ZCCHC24: variants seen among roughly 807,000 people sequenced by gnomAD.
ZCCHC24 encodes the protein zinc finger CCHC domain-containing protein 24.
In ZCCHC24, 10 loss-of-function variants were observed where a neutral mutation model predicts 26.2. That is an observed-to-expected ratio of 0.38 (90% confidence interval 0.24 to 0.65). The LOEUF (loss-of-function observed/expected upper bound fraction) is 0.65, where lower values mean the gene tolerates loss of function less well. Ranked by LOEUF, ZCCHC24 falls within the 30% of genes least tolerant of loss-of-function variation. The pLI is 0.54. For synonymous variants in ZCCHC24, 144 were observed against 147.1 expected, an observed-to-expected ratio of 0.98 and a Z score of 0.15; for missense variants, 243 against 329.1, an observed-to-expected ratio of 0.74 and a Z score of 2.03.
At chr10:79,442,706 C>T (rs1589682773) in intron 1 of ZCCHC24, among the ~76,000 whole-genome samples, 1 of 152,216 alleles carries the variant, frequency 6.6e-6, no homozygotes, top group African/African-American at 2.4e-5. Flanking sequence ...ACACGACTTG[C>T]TTCCTCTCCG....
intron 2 of ZCCHC24, among the ~76,000 whole-genome samples, chr10:79,408,750 C>T (rs1856753652): frequency 6.6e-6 from 1 of 152,128 alleles, no homozygotes; most frequent in Admixed American, 6.5e-5. Context: ...TTCCCATTCC[C>T]AGTCTCTGAC....
intron 2 of ZCCHC24, among the ~76,000 whole-genome samples, chr10:79,395,089 T>G (rs1170042768): frequency 6.6e-6 from 1 of 152,256 alleles, no homozygotes; most frequent in Non-Finnish European, 1.5e-5. Flanking sequence ...TATTTTATTT[T>G]TTCGAGACAG....
chr10:79,423,895 G>A (rs1856991142), intron 2 of ZCCHC24, among the ~76,000 whole-genome samples: 1 of 151,266 alleles, frequency 6.6e-6, no homozygotes, highest in African/African-American at 2.4e-5. Context: ...GCAGGCACCT[G>A]TAATCCCAGC....
Position 79,445,624 on chromosome 10 carries a change from T to A in ZCCHC24, c.-184A>T. The stretch of plus-strand genomic sequence containing the variant: ...GCCGCTGCCGCCGCCTCCCCCCGAC[T>A]GCGGCCCCGGCGCGCGCAGGCGGTG... On this transcript the variant is annotated 5_prime_UTR_variant, in exon 1 of 4. Transcript: ENST00000372336. The A allele has an allele frequency of 2.9e-6, 1 of 347,646 alleles. No individual in the cohort carries two copies. The highest frequency in any genetic ancestry group is 4.1e-6 in the Non-Finnish European group (1 of 245,862). The allele number at this position is 347,646 out of a possible 1,614,324, so 21.5% of individuals were successfully genotyped here.
At chr10:79,406,002 A>G (rs1199553900) in intron 2 of ZCCHC24, among the ~76,000 whole-genome samples, 1 of 152,226 alleles carries the variant, frequency 6.6e-6, no homozygotes, top group Non-Finnish European at 1.5e-5. Flanking sequence ...TCATCTGGGT[A>G]GAAAGAGAAG....
intron 2 of ZCCHC24, among the ~76,000 whole-genome samples, chr10:79,405,567 G>A (rs1419247320): frequency 3.9e-5 from 6 of 152,236 alleles, no homozygotes; most frequent in African/African-American, 9.6e-5. Flanking sequence ...AGCTAGCAGC[G>A]CCATTTGCAC....
intron 3 of ZCCHC24, among the ~76,000 whole-genome samples, chr10:79,392,870 T>G (rs1311516434): frequency 1.3e-5 from 2 of 152,246 alleles, no homozygotes; most frequent in Non-Finnish European, 2.9e-5. Flanking sequence ...AGTAATGCTT[T>G]TGTTTTGCTT....
chr10:79,406,188 G>T (rs751244300), intron 2 of ZCCHC24, among the ~76,000 whole-genome samples: 2 of 152,202 alleles, frequency 1.3e-5, no homozygotes, highest in East Asian at 3.9e-4. Context: ...GAGGCTCAGA[G>T]AGGTTAAGTC....
At chr10:79,428,279 G>A (rs1459852169) in intron 2 of ZCCHC24, among the ~76,000 whole-genome samples, 1 of 152,178 alleles carries the variant, frequency 6.6e-6, no homozygotes, top group Non-Finnish European at 1.5e-5. Flanking sequence ...AAAGACAAAC[G>A]CCATGTGATT....
intron 2 of ZCCHC24, chr10:79,403,661 C>T (rs1045401416): frequency 5.4e-6 from 5 of 930,938 alleles, no homozygotes; most frequent in Admixed American, 1.2e-4. Flanking sequence ...CGCCTCCTTG[C>T]CCAGGGCCCC....
At position 79,423,593 on chromosome 10, in the gene ZCCHC24, A is replaced by ATATATATAG. The variant is rs1856982898; in HGVS notation, c.447+8964_447+8965insCTATATATA. Reference sequence around the variant, plus strand: ...CAAAATATATATACTATATATATATATATATATATATATATATTTTCTGAC... The same window carrying ATATATATAG: ...CAAAATATATATACTATATATATATATATATATAGTATATATATATATATATTTTCTGAC... On this transcript the variant is annotated intron_variant, in intron 2 of 3. Coordinates refer to ENST00000372336, the MANE Select transcript of ZCCHC24 (RefSeq NM_153367.4). 1.0e-3 allele frequency among the ~76,000 whole-genome samples: 33 copies of ATATATATAG among 31,438 alleles called. 1 individual carries two copies. The highest frequency in any genetic ancestry group is 2.7e-3 in the African/African-American group (32 of 11,830). 20.6% of individuals were successfully genotyped at this position (31,438 alleles called of 152,430 possible).
chr10:79,441,989 C>A (rs891309931), intron 1 of ZCCHC24, among the ~76,000 whole-genome samples: 2 of 152,190 alleles, frequency 1.3e-5, no homozygotes, highest in Non-Finnish European at 2.9e-5. Context: ...CCCATAGCCC[C>A]TTTACGGTTG....
intron 2 of ZCCHC24, among the ~76,000 whole-genome samples, chr10:79,407,009 C>T (rs892534904): frequency 1.3e-5 from 2 of 152,242 alleles, no homozygotes; most frequent in East Asian, 1.9e-4. Context: ...GCACTTCCTC[C>T]GGGAAGCCTC....
intron 1 of ZCCHC24, chr10:79,443,995 G>T (rs1481604674): frequency 1.5e-6 from 2 of 1,346,048 alleles, no homozygotes; most frequent in South Asian, 1.6e-5. Context: ...TGGCAGAGTT[G>T]AACTCAAGGG....
At chr10:79,443,399 G>A (rs967460868) in intron 1 of ZCCHC24, among the ~76,000 whole-genome samples, 5 of 152,202 alleles carry the variant, frequency 3.3e-5, no homozygotes, top group Non-Finnish European at 5.9e-5. Context: ...CCATGGTAGG[G>A]GGAGCAGAGG....
chr10:79,405,584 G>C (rs1008639881), intron 2 of ZCCHC24, among the ~76,000 whole-genome samples: 6 of 152,236 alleles, frequency 3.9e-5, no homozygotes, highest in Admixed American at 3.9e-4. Context: ...GCACAGGGCA[G>C]CTGGCCCCTG....
Position 79,385,261 on chromosome 10 carries a change from G to A in ZCCHC24, c.*1084C>T, listed in dbSNP as rs1443990581. The stretch of plus-strand genomic sequence containing the variant: ...GATGCGGGGTACCTGGCACCTGGGA[G>A]GTTTCTCCCACCATTCTGGGTGAAA... On this transcript the variant is annotated 3_prime_UTR_variant, in exon 4 of 4. Coordinates refer to ENST00000372336, the MANE Select transcript of ZCCHC24 (RefSeq NM_153367.4). This position sits in a 1 kb window ranked among gnomAD's most constrained non-coding sequence, Gnocchi z 4.3. The A allele has an allele frequency of 1.3e-5, 2 of 152,178 alleles. No individual in the cohort carries two copies. The highest frequency in any genetic ancestry group is 3.8e-4 in the East Asian group (2 of 5,222). The allele number at this position is 152,178 out of a possible 1,614,324, so 9.4% of individuals were successfully genotyped here. A position where few individuals can be genotyped will look rare whatever the true frequency, so the allele number is the denominator to read the frequency against.
Position 79,404,022 on chromosome 10 carries a change from G to A in ZCCHC24, c.448-9582C>T, listed in dbSNP as rs548474203. 9.9e-5 allele frequency among the ~76,000 whole-genome samples: 15 copies of A among 152,156 alleles called. No individual in the cohort carries two copies. In the East Asian group the frequency reaches 1.9e-3, roughly 20 times the overall value. ...AGGGGCAGGGAGTGAGAGAGCGCCC[G>A]TCAGAGCAGATAAGAGGAGAAGGGG... is the stretch of plus-strand genomic sequence containing the variant. On this transcript the variant is annotated intron_variant, in intron 2 of 3. Transcript: ENST00000372336.
intron 2 of ZCCHC24, among the ~76,000 whole-genome samples, chr10:79,401,044 T>G (rs1204448056): frequency 6.6e-6 from 1 of 152,222 alleles, no homozygotes; most frequent in Non-Finnish European, 1.5e-5. Context: ...ATTGTGGCCT[T>G]TGGTTGTTGA....
Sources: gnomAD v4.1 joint callset for allele counts (sites outside exome capture counted in the v4.1 genomes callset) on GRCh38, gnomAD v4.1.1 for gene constraint, Gnocchi (gnomAD v3.1) non-coding constraint, MANE v1.5 for transcripts, NCBI Gene and HGNC (gene_info 2026-07-23, HGNC 2026-07-21) for gene names.